Variants in USP7 observed in about 807,000 individuals in gnomAD.
USP7 encodes the protein ubiquitin specific peptidase 7.
In USP7, 9 loss-of-function variants were observed where a neutral mutation model predicts 162.9. The ratio of observed to expected loss-of-function variants is 0.06; its 90% CI spans 0.03 to 0.10. The LOEUF is 0.10. Ranked by LOEUF, USP7 falls within the 10% of genes least tolerant of loss-of-function variation. The pLI, the probability that USP7 is intolerant of heterozygous loss-of-function variation, is 1.00. For synonymous variants in USP7, 562 were observed against 475.9 expected (o/e 1.18, Z -2.35); for missense variants, 715 against 1,373.7 (o/e 0.52, Z 7.58).
At chr16:8,904,867 G>A (rs989892980) in intron 14 of USP7, among the ~76,000 whole-genome samples, 3 of 152,156 alleles carry the variant, frequency 2.0e-5, no homozygotes, top group African/African-American at 7.2e-5. Context: ...AGCTACTTGG[G>A]AGGCTGAGGC....
At position 8,963,259 on chromosome 16, in the gene USP7, C is replaced by G; in HGVS notation, c.27G>C (p.Gln9His). The change falls in exon 1 of 31, where the codon CAG becomes CAC. Residue 9 changes from glutamine to histidine, a missense_variant. Around this residue, in one of 11 missense-constraint regions of USP7, gnomAD observed 137 missense variants for 123.5 expected, o/e 1.11. Coordinates refer to ENST00000344836, the MANE Select transcript of USP7 (RefSeq NM_003470.3). ...TCAACTGCTGCTCGCCCGCTTTCTGCTGCTGCTGCTGCTGCTGGTGGTTCA... is the reference window on the plus strand; with the variant it reads ...TCAACTGCTGCTCGCCCGCTTTCTGGTGCTGCTGCTGCTGCTGGTGGTTCA... MNHQQQQQ[Q>H]QKAGEQQLSE... is the part of the protein sequence containing the mutation. The G allele has an allele frequency of 7.4e-7, 1 of 1,359,914 alleles. No individual in the cohort carries two copies. Among genetic ancestry groups the G allele is most frequent in the South Asian group, 1.4e-5 (1 of 70,760 alleles). The allele number at this position is 1,359,914 out of a possible 1,614,324, so 84.2% of individuals were successfully genotyped here. A position where few individuals can be genotyped will look rare whatever the true frequency, so the allele number is the denominator to read the frequency against.
rs2061719844 is a variant in USP7, at chr16:8,898,238, C to T, written c.2718+122G>A. 12 of 851,652 alleles carry T rather than the reference C, an allele frequency of 1.4e-5. 1 individual carries two copies. In the South Asian group the frequency reaches 1.7e-4, roughly 12 times the overall value. 52.8% of individuals were successfully genotyped at this position (851,652 alleles called of 1,614,324 possible). A position where few individuals can be genotyped will look rare whatever the true frequency, so the allele number is the denominator to read the frequency against. ...ACTGGCCCAGGGCTCCCCCAGCCCCCATCATGTGCTGTTGTTTAGAGTGTT... is the reference window on the plus strand; with the variant it reads ...ACTGGCCCAGGGCTCCCCCAGCCCCTATCATGTGCTGTTGTTTAGAGTGTT... On this transcript the variant is annotated intron_variant, in intron 25 of 30. Coordinates refer to ENST00000344836, the MANE Select transcript of USP7 (RefSeq NM_003470.3).
rs1409417359 is a variant in USP7, at chr16:8,904,297, C to A, written c.1704+138G>T. 4.1e-6 allele frequency: 6 copies of A among 1,450,250 alleles called. No homozygotes were observed. In the Admixed American group the frequency reaches 1.0e-4, roughly 25 times the overall value. The allele number at this position is 1,450,250 out of a possible 1,614,324, so 89.8% of individuals were successfully genotyped here. ...TCCCAGAGGAGTGGGGACTGACCTG[C>A]ACTTGCGTACAGAGATGGATGCCCT... is the stretch of plus-strand genomic sequence containing the variant. On this transcript the variant is annotated intron_variant, in intron 15 of 30. Transcript: ENST00000344836.
chr16:8,927,518 G>C (rs944484496), intron 2 of USP7, among the ~76,000 whole-genome samples: 2 of 152,162 alleles, frequency 1.3e-5, no homozygotes, highest in Middle Eastern at 3.4e-3. Flanking sequence ...TCTAAATCTA[G>C]ATCCATCTAG....
At chr16:8,951,394 T>G (rs1457189614) in intron 1 of USP7, among the ~76,000 whole-genome samples, 1 of 152,028 alleles carries the variant, frequency 6.6e-6, no homozygotes, top group Non-Finnish European at 1.5e-5. Flanking sequence ...CTAGGTGATT[T>G]AGGCAACAGG....
intron 10 of USP7, among the ~76,000 whole-genome samples, chr16:8,912,105 C>T (rs1309076044): frequency 6.6e-6 from 1 of 152,170 alleles, no homozygotes; most frequent in African/African-American, 2.4e-5. Context: ...ATATCTAACA[C>T]CCAGCAAGAT....
chr16:8,901,177 C>T lies in USP7; in HGVS notation c.2105G>A (p.Cys702Tyr). Residue 702 changes from cysteine (C) to tyrosine (Y), a missense_variant, in exon 19 of 31, where the codon TGT becomes TAT. Cys to Tyr is a radical substitution (Grantham distance 194, BLOSUM62 -2). Transcript: ENST00000344836. ...GGATATTGGTGTGTAGATATGCCCA[C>T]AGTAATTCAAGCTCCGCGTTTTGGG... Reference protein sequence around the residue: ...YDPKTRSLNYCGHIYTPISCK... With the variant: ...YDPKTRSLNYYGHIYTPISCK... 6.2e-7 allele frequency: 1 copy of T among 1,613,516 alleles called. No homozygotes were observed. Among genetic ancestry groups the T allele is most frequent in the Non-Finnish European group, 8.5e-7 (1 of 1,179,786 alleles).
intron 1 of USP7, chr16:8,962,924 C>T (rs1319605466): frequency 5.5e-6 from 1 of 182,432 alleles, no homozygotes; most frequent in Non-Finnish European, 1.1e-5. Flanking sequence ...CCTCCGCTGC[C>T]TGAGCGCTCG....
Position 8,893,449 on chromosome 16 carries a change from G to A in USP7, c.*549C>T, listed in dbSNP as rs1233370009. ...AAGTTTATTAAAAAGCCCCCAGGCA[G>A]CTGGAGGAGGAGAACCCGAGGAAGG... On this transcript the variant is annotated 3_prime_UTR_variant, in exon 31 of 31. Transcript: ENST00000344836. The A allele has an allele frequency of 6.5e-6, 1 of 154,372 alleles. No individual in the cohort carries two copies. Among genetic ancestry groups the A allele is most frequent in the Non-Finnish European group, 1.4e-5 (1 of 69,372 alleles). 9.6% of individuals were successfully genotyped at this position (154,372 alleles called of 1,614,324 possible).
chr16:8,905,439 G>T, intron 13 of USP7, 108 bp from the exon 14 acceptor site: 1 of 1,386,044 alleles, frequency 7.2e-7, no homozygotes, highest in Non-Finnish European at 1.0e-6. Context: ...TATGCCCCTA[G>T]TTGAAAAAAT....
intron 11 of USP7, 45 bp from the exon 12 acceptor site, chr16:8,908,495 C>G (rs1294850304): frequency 1.3e-6 from 2 of 1,520,420 alleles, no homozygotes; most frequent in Non-Finnish European, 1.8e-6. Flanking sequence ...CCTCTACTTA[C>G]TCCTGGAAGC....
rs77998839 is a variant in USP7 at position 8,894,848 on chromosome 16, T to G, written c.3047A>C (p.His1016Pro). ...GATTCGCTTCATCACTTCTCGAAAA[T>G]GCTCGCCCTAGAATGGCAAAGGACA... Reference protein sequence around the residue: ...PFLLRIHQGEHFREVMKRIQS... With the variant: ...PFLLRIHQGEPFREVMKRIQS... The change falls in exon 29 of 31, where the codon CAT becomes CCT. Residue 1016 changes from histidine (H) to proline (P), a missense_variant. Transcript: ENST00000344836. 1.2e-6 allele frequency: 2 copies of G among 1,614,136 alleles called. No individual in the cohort carries two copies. Among genetic ancestry groups the G allele is most frequent in the Non-Finnish European group, 8.5e-7 (1 of 1,180,030 alleles).
intron 10 of USP7, among the ~76,000 whole-genome samples, chr16:8,914,339 A>G (rs2061996270): frequency 6.6e-6 from 1 of 151,930 alleles, no homozygotes; most frequent in Non-Finnish European, 1.5e-5. Context: ...TGTGCAATTG[A>G]TAAACCACTT....
intron 1 of USP7, among the ~76,000 whole-genome samples, chr16:8,952,091 C>T (rs777517375): frequency 1.7e-4 from 26 of 151,104 alleles, no homozygotes; most frequent in Non-Finnish European, 3.2e-4. Context: ...CCCGTCTATA[C>T]AAAAAAGAAA....
intron 1 of USP7, among the ~76,000 whole-genome samples, chr16:8,938,752 CAT>C (rs969852653): frequency 1.6e-4 from 24 of 151,662 alleles, no homozygotes; most frequent in African/African-American, 5.1e-4. Flanking sequence ...CTGTACCAAA[CAT>C]GTACAGATTT....
At chr16:8,898,681 T>C in intron 23 of USP7, 42 bp from the exon 24 acceptor site, 1 of 1,485,390 alleles carries the variant, frequency 6.7e-7, no homozygotes, top group African/African-American at 1.4e-5. Flanking sequence ...CTTGTTTATT[T>C]GCCTAAAAAC....
intron 21 of USP7, 72 bp from the exon 22 acceptor site, chr16:8,899,829 T>A: frequency 6.5e-7 from 1 of 1,539,264 alleles, no homozygotes; most frequent in Admixed American, 1.7e-5. Context: ...AATGGCATCA[T>A]CTTTTACACA....
At chr16:8,896,404 A>G (rs1055263343) in intron 26 of USP7, among the ~76,000 whole-genome samples, 1 of 152,134 alleles carries the variant, frequency 6.6e-6, no homozygotes, top group Non-Finnish European at 1.5e-5. Flanking sequence ...TCACTGTTTA[A>G]TAATTGTTTT....
intron 25 of USP7, 172 bp from the exon 26 acceptor site, chr16:8,897,271 A>C (rs896659643): frequency 3.3e-6 from 2 of 607,202 alleles, no homozygotes; most frequent in Admixed American, 5.9e-5. Flanking sequence ...ACTCACAGTG[A>C]GGACACTGGC....
Sources: allele counts gnomAD v4.1 joint callset (sites outside exome capture counted in the v4.1 genomes callset), GRCh38; gene constraint gnomAD v4.1.1; regional missense constraint gnomAD v4.1.1; transcripts MANE v1.5; gene names NCBI Gene and HGNC (gene_info 2026-07-23, HGNC 2026-07-21).